Variants in TAAR9 observed in about 807,000 individuals in gnomAD.
The protein encoded by TAAR9 is trace amine associated receptor 9.
For missense variants in TAAR9, 453 were observed against 409.4 expected, an observed-to-expected ratio of 1.11 and a Z score of -0.92; for synonymous variants, 162 against 152.6, an observed-to-expected ratio of 1.06 and a Z score of -0.45.
chr6:132,538,944 A>T lies in TAAR9; in HGVS notation c.655A>T (p.Lys219Ter). Residue 219 changes from lysine to a stop codon, truncating the protein, a stop_gained, in exon 1 of 1, where the codon AAG (lysine) becomes TAG (stop). Coordinates refer to ENST00000434551, the Ensembl canonical transcript of TAAR9. LOFTEE classifies it low-confidence loss of function (END_TRUNC). ...TGTCGCCATGGTGTTTATATACAGT[A>T]AGATATTTTTGGTGGCCAAGCATCA... 6.4e-7 allele frequency: 1 copy of T among 1,558,608 alleles called. No individual in the cohort carries two copies. The highest frequency in any genetic ancestry group is 8.6e-7 in the Non-Finnish European group (1 of 1,156,312).
At position 132,538,397 on chromosome 6, in the gene TAAR9, CG is replaced by C. The variant is rs777669342; in HGVS notation, c.109del (p.Ala37ProfsTer18). ...CGCCAGGTCCTCGATCTATCCTCTA[CG>C]CCGTCCTTGGTTTTGGGGCTGTGCT... On this transcript the variant is annotated frameshift_variant, in exon 1 of 1. Transcript: ENST00000434551. LOFTEE classifies it low-confidence loss of function (END_TRUNC). 5.0e-6 allele frequency: 8 copies of C among 1,613,668 alleles called. No homozygotes were observed. In the Admixed American group the frequency reaches 1.2e-4, roughly 24 times the overall value.
chr6:132,539,321 A>C, exon 1 of TAAR9: 1 of 1,604,266 alleles, frequency 6.2e-7, no homozygotes, highest in East Asian at 2.2e-5. Flanking sequence ...TTTCTGAAGA[A>C]GTAGAGACAG....
In TAAR9 at chr6:132,538,731, G is replaced by C. The variant is rs549795072; in HGVS notation, c.442G>C (p.Val148Leu). 145 of 1,613,796 alleles carry C rather than the reference G, an allele frequency of 9.0e-5. 2 individuals are homozygous for C. In the East Asian group the frequency reaches 3.0e-3, roughly 33 times the overall value. Residue 148 changes from valine to leucine, a missense_variant, in exon 1 of 1, where the codon GTT (valine) becomes CTT (leucine). By Grantham distance (32) the Val-to-Leu change is conservative (BLOSUM62 1). Coordinates refer to ENST00000434551, the Ensembl canonical transcript of TAAR9. The stretch of plus-strand genomic sequence containing the variant: ...CTATCCAACCAAGTTTACTGTGTCA[G>C]TTTCAGGGATATGCATTGTTCTTTC...
In TAAR9 at chr6:132,538,940, C is replaced by A; in HGVS notation, c.651C>A (p.Tyr217Ter). Residue 217 changes from tyrosine to a stop codon, truncating the protein, a stop_gained, in exon 1 of 1, where the codon TAC (tyrosine) becomes TAA (stop). Coordinates refer to ENST00000434551, the Ensembl canonical transcript of TAAR9. LOFTEE classifies it low-confidence loss of function (END_TRUNC). ...CCAATGTCGCCATGGTGTTTATATA[C>A]AGTAAGATATTTTTGGTGGCCAAGC... is the stretch of plus-strand genomic sequence containing the variant. 1 of 1,562,354 alleles carries A rather than the reference C, an allele frequency of 6.4e-7. No homozygotes were observed.
In TAAR9 at chr6:132,538,781, CT is replaced by C; in HGVS notation, c.496del (p.Ser166ArgfsTer15). On this transcript the variant is annotated frameshift_variant, in exon 1 of 1. Coordinates refer to ENST00000434551, the Ensembl canonical transcript of TAAR9. LOFTEE classifies it low-confidence loss of function (END_TRUNC). ...CCTGGTTCTTTTCTGTCACATACAG[CT>C]TTTCGATCTTTTACACGGGAGCCAA... 1.2e-6 allele frequency: 2 copies of C among 1,613,880 alleles called. No individual in the cohort carries two copies. Among genetic ancestry groups the C allele is most frequent in the Non-Finnish European group, 8.5e-7 (1 of 1,179,832 alleles).
rs1216526312 is a variant in TAAR9, at chr6:132,538,780, G to A, written c.491G>A (p.Ser164Asn). 1.4e-5 allele frequency: 22 copies of A among 1,613,722 alleles called. No homozygotes were observed. The highest frequency in any genetic ancestry group is 1.9e-5 in the Non-Finnish European group (22 of 1,179,852). The change falls in exon 1 of 1, where the codon AGC (serine) becomes AAC (asparagine). Residue 164 changes from serine to asparagine, a missense_variant. Physicochemically the swap from Ser to Asn is conservative, Grantham distance 46. Transcript: ENST00000434551. Reference sequence around the variant, plus strand: ...TCCTGGTTCTTTTCTGTCACATACAGCTTTTCGATCTTTTACACGGGAGCC... The same window carrying A: ...TCCTGGTTCTTTTCTGTCACATACAACTTTTCGATCTTTTACACGGGAGCC...
At chr6:132,538,516 G>A (rs1283342356) in exon 1 of TAAR9, 6 of 1,612,742 alleles carry the variant, frequency 3.7e-6, no homozygotes, top group Middle Eastern at 1.6e-4. Flanking sequence ...TCGCTGGCCT[G>A]TGCTGACTTC....
Position 132,538,596 on chromosome 6 carries a change from A to T in TAAR9, c.307A>T (p.Ser103Cys), listed in dbSNP as rs547149130. 2.5e-6 allele frequency: 4 copies of T among 1,587,004 alleles called. No homozygotes were observed. The South Asian group carries it at 3.5e-5, about 14-fold the overall frequency. ...GGAGAGCTGTTGGTACTTTGGGGAC[A>T]GTTACTGTAAATTCCATACATGTTT... Residue 103 changes from serine to cysteine, a missense_variant, in exon 1 of 1, where the codon AGT (serine) becomes TGT (cysteine). Coordinates refer to ENST00000434551, the Ensembl canonical transcript of TAAR9.
chr6:132,538,888 T>A (rs1342006591), exon 1 of TAAR9: 1 of 1,609,952 alleles, frequency 6.2e-7, no homozygotes, highest in South Asian at 1.1e-5. Context: ...AACTGGGTCC[T>A]ACTTTGTTTT....
At chr6:132,538,413 G>A in exon 1 of TAAR9, 1 of 1,613,738 alleles carries the variant, frequency 6.2e-7, no homozygotes, top group East Asian at 2.2e-5. Context: ...CCTTGGTTTT[G>A]GGGCTGTGCT....
At chr6:132,538,798 C>T (rs201150682) in exon 1 of TAAR9, 5 of 1,613,834 alleles carry the variant, frequency 3.1e-6, no homozygotes, top group Admixed American at 1.7e-5. Flanking sequence ...ATCTTTTACA[C>T]GGGAGCCAAC....
exon 1 of TAAR9, chr6:132,539,125 T>C (rs1385746418): frequency 6.4e-7 from 1 of 1,564,466 alleles, no homozygotes; most frequent in South Asian, 1.2e-5. Context: ...GTTGATGCAG[T>C]GATTGATGCT....
rs377459700 is a variant in TAAR9, at chr6:132,538,331, T to A, written c.42T>A (p.Cys14Ter). Reference sequence around the variant, plus strand: ...CCCAAGCTGAGGCTGTGGAGCTGTGTTACAAGAACGTGAACGAATCCTGCA... The same window carrying A: ...CCCAAGCTGAGGCTGTGGAGCTGTGATACAAGAACGTGAACGAATCCTGCA... Residue 14 changes from cysteine (C) to a stop codon, truncating the protein, a stop_gained, in exon 1 of 1, where the codon TGT (cysteine) becomes TGA (stop). Coordinates refer to ENST00000434551, the Ensembl canonical transcript of TAAR9. LOFTEE classifies it low-confidence loss of function (END_TRUNC). The A allele has an allele frequency of 3.4e-4, 556 of 1,612,610 alleles. 8 individuals are homozygous for A. The South Asian group carries it at 5.8e-3, about 17-fold the overall frequency.
At chr6:132,538,663 G>A (rs375772805) in exon 1 of TAAR9, 2 of 1,607,860 alleles carry the variant, frequency 1.2e-6, no homozygotes, top group South Asian at 2.2e-5. Context: ...CATTTATGCT[G>A]TATCTCTGTT....
exon 1 of TAAR9, chr6:132,538,990 C>T (rs1332906938): frequency 6.5e-7 from 1 of 1,533,532 alleles, no homozygotes; most frequent in Non-Finnish European, 8.7e-7. Flanking sequence ...ATAGAAAGTA[C>T]AGCCAGCCAA....
exon 1 of TAAR9, chr6:132,539,230 T>C (rs1041882269): frequency 1.9e-6 from 3 of 1,612,594 alleles, no homozygotes. Context: ...TATGCTTTCT[T>C]TTACCAATGG....
exon 1 of TAAR9, chr6:132,538,909 TTATACCCAA>T: frequency 6.2e-7 from 1 of 1,601,320 alleles, no homozygotes; most frequent in Non-Finnish European, 8.5e-7. Context: ...CTTCTATTCT[TTATACCCAA>T]TGTCGCCATG....
exon 1 of TAAR9, chr6:132,538,693 C>T (rs1261683695): frequency 1.2e-6 from 2 of 1,613,060 alleles, no homozygotes; most frequent in Non-Finnish European, 1.7e-6. Flanking sequence ...ATTGCTGTTA[C>T]TGATCCTCTG....
chr6:132,538,787 G>A lies in TAAR9; in HGVS notation c.498G>A (p.Ser166=), dbSNP rs200294954. The A allele has an allele frequency of 4.3e-5, 69 of 1,613,736 alleles. No homozygotes were observed. The South Asian group carries it at 6.7e-4, about 16-fold the overall frequency. Reference sequence around the variant, plus strand: ...TCTTTTCTGTCACATACAGCTTTTCGATCTTTTACACGGGAGCCAACGAAG... The same window carrying A: ...TCTTTTCTGTCACATACAGCTTTTCAATCTTTTACACGGGAGCCAACGAAG... The change falls in exon 1 of 1, where the codon TCG becomes TCA. Residue 166 remains serine, a synonymous_variant. Transcript: ENST00000434551.
Sources: gnomAD v4.1 joint callset for allele counts on GRCh38, gnomAD v4.1.1 for gene constraint, MANE v1.5 for transcripts, NCBI Gene and HGNC (gene_info 2026-07-23, HGNC 2026-07-21) for gene names.